MAP3K3: variants seen among roughly 807,000 people sequenced by gnomAD.
MAP3K3 encodes mitogen-activated protein kinase kinase kinase 3, also known as MAP/ERK kinase kinase 3.
A neutral mutation model predicts 80.9 loss-of-function variants in MAP3K3; 12 were observed. The ratio of observed to expected loss-of-function variants is 0.15; its 90% CI spans 0.10 to 0.24. MAP3K3 has a LOEUF of 0.24. MAP3K3 is among the 10% of genes least tolerant of loss of function. The pLI is 1.00. For missense variants in MAP3K3, 596 were observed against 834.7 expected (o/e 0.71, Z 3.52); for synonymous variants, 272 against 307.1 (o/e 0.89, Z 1.19).
At chr17:63,669,537 C>T (rs905254763) in intron 6 of MAP3K3, among the ~76,000 whole-genome samples, 6 of 151,922 alleles carry the variant, frequency 3.9e-5, no homozygotes, top group East Asian at 1.9e-4. Context: ...GATGCCATCT[C>T]GGCTCACTGC....
chr17:63,678,534 AG>A (rs1249285712), intron 6 of MAP3K3, among the ~76,000 whole-genome samples: 29 of 152,310 alleles, frequency 1.9e-4, no homozygotes, highest in African/African-American at 6.7e-4. Context: ...CTCTGGAGTC[AG>A]GTGGGGAGGC....
chr17:63,633,386 T>C (rs2034258162), intron 2 of MAP3K3, among the ~76,000 whole-genome samples: 1 of 152,202 alleles, frequency 6.6e-6, no homozygotes, highest in Non-Finnish European at 1.5e-5. Context: ...AGATTCATGA[T>C]CCCTAAGTCA....
At chr17:63,637,192 CAAAA>C (rs796796374) in intron 2 of MAP3K3, 124 of 77,758 alleles carry the variant, frequency 1.6e-3, no homozygotes, top group East Asian at 4.0e-3. Context: ...TGAGACCAAC[CAAAA>C]AAAAAAAAAA....
At chr17:63,687,865 G>A (rs947763017) in intron 8 of MAP3K3, among the ~76,000 whole-genome samples, 2 of 151,946 alleles carry the variant, frequency 1.3e-5, no homozygotes, top group Non-Finnish European at 2.9e-5. Flanking sequence ...TTGAACCCGC[G>A]AGGTAGAGGT....
At position 63,692,568 on chromosome 17, in the gene MAP3K3, G is replaced by A; in HGVS notation, c.1652+149G>A. The A allele has an allele frequency of 1.3e-6, 1 of 774,314 alleles. No individual in the cohort carries two copies. The highest frequency in any genetic ancestry group is 2.0e-6 in the Non-Finnish European group (1 of 502,528). The allele number at this position is 774,314 out of a possible 1,614,324, so 48.0% of individuals were successfully genotyped here. A position where few individuals can be genotyped will look rare whatever the true frequency, so the allele number is the denominator to read the frequency against. The stretch of plus-strand genomic sequence containing the variant: ...GTGTGCAAGGGTATTATTGGGTGCA[G>A]TAGCACACACACCACATGGGTGGTG... On this transcript the variant is annotated intron_variant, in intron 15 of 15. Transcript: ENST00000361733. This position sits in a 1 kb window ranked among gnomAD's most constrained non-coding sequence, Gnocchi z 4.5.
At chr17:63,650,696 G>GAGAGAGAGAGAGAGAGAGAGA (rs752583799) in intron 3 of MAP3K3, among the ~76,000 whole-genome samples, 1 of 112,484 alleles carries the variant, frequency 8.9e-6, no homozygotes, top group African/African-American at 3.7e-5. Context: ...GAGAGAGAGA[G>GAGAGAGAGAGAGAGAGAGAGA]TTTTTTTTTT....
chr17:63,629,253 G>T (rs2034169082), intron 1 of MAP3K3, among the ~76,000 whole-genome samples: 1 of 151,980 alleles, frequency 6.6e-6, no homozygotes, highest in Non-Finnish European at 1.5e-5. Flanking sequence ...CTCCCAAGTA[G>T]CTGGGATTAC....
At chr17:63,676,357 G>A (rs1056699607) in intron 6 of MAP3K3, among the ~76,000 whole-genome samples, 1 of 152,210 alleles carries the variant, frequency 6.6e-6, no homozygotes, top group Non-Finnish European at 1.5e-5. Flanking sequence ...GGAGGGGACA[G>A]GTGTCAGGGG....
intron 6 of MAP3K3, among the ~76,000 whole-genome samples, chr17:63,671,392 AC>A (rs1423009869): frequency 6.6e-6 from 1 of 151,484 alleles, no homozygotes; most frequent in East Asian, 1.9e-4. Context: ...AGTAGCTGGG[AC>A]TACAGGCATG....
At chr17:63,656,949 G>A (rs1225405869) in intron 4 of MAP3K3, among the ~76,000 whole-genome samples, 1 of 152,180 alleles carries the variant, frequency 6.6e-6, no homozygotes, top group African/African-American at 2.4e-5. Flanking sequence ...TATGGCGACA[G>A]GAGAGAGAAG....
chr17:63,665,927 G>A (rs1056524961), intron 5 of MAP3K3, among the ~76,000 whole-genome samples: 3 of 152,098 alleles, frequency 2.0e-5, no homozygotes, highest in East Asian at 1.9e-4. Flanking sequence ...TTTTTTGTTA[G>A]GGGGAGGTAG....
intron 1 of MAP3K3, among the ~76,000 whole-genome samples, chr17:63,625,011 TAAACTC>T (rs1196395819): frequency 6.6e-6 from 1 of 152,240 alleles, no homozygotes; most frequent in African/African-American, 2.4e-5. Flanking sequence ...TAGTTCTAAA[TAAACTC>T]AAAGGATTGA....
At position 63,691,660 on chromosome 17, in the gene MAP3K3, G is replaced by C; in HGVS notation, c.1345-73G>C. 6.4e-7 allele frequency: 1 copy of C among 1,564,030 alleles called. No individual in the cohort carries two copies. The highest frequency in any genetic ancestry group is 8.7e-7 in the Non-Finnish European group (1 of 1,149,658). On this transcript the variant is annotated intron_variant, in intron 13 of 15. Transcript: ENST00000361733. The surrounding 1 kb of genome is among the most constrained non-coding windows in gnomAD (Gnocchi z 4.8). ...CAAATCACTCCTTTGCTGCCATGCT[G>C]GGGGCTGGAATGGGCTTGCCCCTCC... is the stretch of plus-strand genomic sequence containing the variant.
Position 63,692,872 on chromosome 17 carries a change from G to A in MAP3K3, c.1652+453G>A, listed in dbSNP as rs1251008539. Among the ~76,000 whole-genome samples the A allele has an allele frequency of 2.0e-5, 3 of 152,226 alleles. No homozygotes were observed. The highest frequency in any genetic ancestry group is 4.4e-5 in the Non-Finnish European group (3 of 68,046). ...GCTGAATAATGGCCCCCCCAAAGAT[G>A]TCCACTGCCTAATCCCTGGATCTGT... is the stretch of plus-strand genomic sequence containing the variant. On this transcript the variant is annotated intron_variant, in intron 15 of 15. Coordinates refer to ENST00000361733, the MANE Select transcript of MAP3K3 (RefSeq NM_002401.5). This position sits in a 1 kb window ranked among gnomAD's most constrained non-coding sequence, Gnocchi z 4.5.
At chr17:63,679,495 G>C (rs2035286264) in intron 6 of MAP3K3, among the ~76,000 whole-genome samples, 1 of 152,058 alleles carries the variant, frequency 6.6e-6, no homozygotes, top group Non-Finnish European at 1.5e-5. Context: ...TTGTTGTTTT[G>C]TCTATGAGAC....
In MAP3K3 at chr17:63,691,071, G is replaced by A. The variant is rs372906669; in HGVS notation, c.1213-31G>A. Reference sequence around the variant, plus strand: ...CAGGCGGGCAGAACTAGGGCCCTGAGAGCTGAGGCGACCACTGACCCCTCC... The same window carrying A: ...CAGGCGGGCAGAACTAGGGCCCTGAAAGCTGAGGCGACCACTGACCCCTCC... On this transcript the variant is annotated intron_variant, in intron 12 of 15. Coordinates refer to ENST00000361733, the MANE Select transcript of MAP3K3 (RefSeq NM_002401.5). This position sits in a 1 kb window ranked among gnomAD's most constrained non-coding sequence, Gnocchi z 4.8. The A allele has an allele frequency of 4.3e-6, 7 of 1,612,880 alleles. No homozygotes were observed. The South Asian group carries it at 4.4e-5, about 10-fold the overall frequency.
In MAP3K3 at chr17:63,666,974, A is replaced by C. The variant is rs1474680011; in HGVS notation, c.416A>C (p.Gln139Pro). ...SSSPHSGVSR[Q>P]VRIKASQSAG... ...TCTCCCCACTCTGGGGTGTCCAGAC[A>C]GGTGCGGATCAAGGCTTCCCAGTCC... The change falls in exon 6 of 16, where the codon CAG becomes CCG. Residue 139 changes from glutamine (Q) to proline (P), a missense_variant. Coordinates refer to ENST00000361733, the MANE Select transcript of MAP3K3 (RefSeq NM_002401.5). 1 of 1,613,356 alleles carries C rather than the reference A, an allele frequency of 6.2e-7. No homozygotes were observed. Among genetic ancestry groups the C allele is most frequent in the African/African-American group, 1.3e-5 (1 of 74,872 alleles).
At position 63,693,657 on chromosome 17, in the gene MAP3K3, G is replaced by C. The variant is rs889483840; in HGVS notation, c.1761G>C (p.Gln587His). 3.7e-6 allele frequency: 6 copies of C among 1,609,558 alleles called. No homozygotes were observed. The highest frequency in any genetic ancestry group is 5.1e-6 in the Non-Finnish European group (6 of 1,177,108). The change falls in exon 16 of 16, where the codon CAG becomes CAC. Residue 587 changes from glutamine to histidine, a missense_variant. Coordinates refer to ENST00000361733, the MANE Select transcript of MAP3K3 (RefSeq NM_002401.5). This position sits in a 1 kb window ranked among gnomAD's most constrained non-coding sequence, Gnocchi z 4.2. Reference sequence around the variant, plus strand: ...TTGCCACCCAGCCCACCAATCCTCAGCTGCCCTCCCACATCTCTGAACATG... The same window carrying C: ...TTGCCACCCAGCCCACCAATCCTCACCTGCCCTCCCACATCTCTGAACATG... ...FKIATQPTNP[Q>H]LPSHISEHGR...
intron 8 of MAP3K3, among the ~76,000 whole-genome samples, chr17:63,686,090 A>G (rs1482020008): frequency 1.3e-5 from 2 of 151,658 alleles, no homozygotes; most frequent in Non-Finnish European, 3.0e-5. Flanking sequence ...GGAGGAAACA[A>G]GTGGTGTCCT....
Sources: gnomAD v4.1 joint callset for allele counts (sites outside exome capture counted in the v4.1 genomes callset) on GRCh38, gnomAD v4.1.1 for gene constraint, Gnocchi (gnomAD v3.1) non-coding constraint, MANE v1.5 for transcripts, NCBI Gene and HGNC (gene_info 2026-07-23, HGNC 2026-07-21) for gene names.